GRIK3: variants seen among roughly 807,000 people sequenced by gnomAD.
GRIK3 encodes glutamate receptor ionotropic, kainate 3.
A neutral mutation model predicts 102.5 loss-of-function variants in GRIK3; 29 were observed. The ratio of observed to expected loss-of-function variants is 0.28; its 90% CI spans 0.21 to 0.39. The LOEUF is 0.39. Among genes scored for constraint, GRIK3 ranks in the 10% least tolerant of loss-of-function variants. The pLI is 1.00. For missense variants in GRIK3, 908 were observed against 1,252.4 expected (o/e 0.73, Z 4.15); for synonymous variants, 511 against 504.9 (o/e 1.01, Z -0.16).
intron 1 of GRIK3, among the ~76,000 whole-genome samples, chr1:36,910,975 G>A (rs1346782986): frequency 6.6e-6 from 1 of 152,202 alleles, no homozygotes; most frequent in African/African-American, 2.4e-5. Context: ...AGACTCAGAG[G>A]AGAGGGCATC....
At chr1:36,854,886 G>A (rs1640633078) in intron 7 of GRIK3, among the ~76,000 whole-genome samples, 1 of 152,170 alleles carries the variant, frequency 6.6e-6, no homozygotes, top group Admixed American at 6.5e-5. Flanking sequence ...GACCTCAAGG[G>A]GGCCATGGGT....
intron 1 of GRIK3, among the ~76,000 whole-genome samples, chr1:36,920,153 C>A (rs1033387391): frequency 3.9e-5 from 6 of 152,232 alleles, no homozygotes; most frequent in Non-Finnish European, 7.3e-5. Context: ...GTGAGCTCAT[C>A]TTGCCCTGTC....
At chr1:36,938,201 C>G (rs556451323) in intron 1 of GRIK3, among the ~76,000 whole-genome samples, 1 of 152,210 alleles carries the variant, frequency 6.6e-6, no homozygotes, top group Non-Finnish European at 1.5e-5. Flanking sequence ...GGTGGATGGC[C>G]TCCCTAAAGT....
intron 1 of GRIK3, among the ~76,000 whole-genome samples, chr1:36,978,874 T>C (rs1368008910): frequency 6.6e-6 from 1 of 152,220 alleles, no homozygotes; most frequent in Non-Finnish European, 1.5e-5. Flanking sequence ...CAGCTAGATT[T>C]GAGGGGTAGG....
At chr1:36,997,130 G>A (rs995886471) in intron 1 of GRIK3, among the ~76,000 whole-genome samples, 3 of 152,078 alleles carry the variant, frequency 2.0e-5, no homozygotes, top group Non-Finnish European at 2.9e-5. Context: ...CTATCTCTAG[G>A]AGCTCCACCT....
Position 36,823,174 on chromosome 1 carries a change from T to C in GRIK3, c.1754+2429A>G, listed in dbSNP as rs1188486507. ...GATATGTTGTGCTTGACCCTGCCAG[T>C]GTTATACAAAATTAAACGGCCAGGC... On this transcript the variant is annotated intron_variant, in intron 11 of 15. Transcript: ENST00000373091. 2.6e-5 allele frequency among the ~76,000 whole-genome samples: 4 copies of C among 152,048 alleles called. No individual in the cohort carries two copies. The South Asian group carries it at 8.3e-4, about 32-fold the overall frequency.
In GRIK3 at chr1:36,858,963, G is replaced by T. The variant is rs546336452; in HGVS notation, c.1104+145C>A. 5.6e-6 allele frequency: 4 copies of T among 714,506 alleles called. No individual in the cohort carries two copies. The Admixed American group carries it at 1.0e-4, about 19-fold the overall frequency. The allele number at this position is 714,506 out of a possible 1,614,324, so 44.3% of individuals were successfully genotyped here. On this transcript the variant is annotated intron_variant, in intron 7 of 15. Coordinates refer to ENST00000373091, the MANE Select transcript of GRIK3 (RefSeq NM_000831.4). Reference sequence around the variant, plus strand: ...TCCTATGGAGCCCATTTTCACACGGGAAACTGAGGCTCGGAGACATGAGGC... The same window carrying T: ...TCCTATGGAGCCCATTTTCACACGGTAAACTGAGGCTCGGAGACATGAGGC...
Position 37,019,507 on chromosome 1 carries a change from A to G in GRIK3, c.115+14487T>C, listed in dbSNP as rs1466615607. Among the ~76,000 whole-genome samples the G allele has an allele frequency of 4.6e-5, 7 of 152,322 alleles. No homozygotes were observed. In the East Asian group the frequency reaches 1.4e-3, roughly 29 times the overall value. ...TCTGGTCTAAACTGTACATACTGAA[A>G]TGTTCAAGGAACCACAGCTATTTCT... On this transcript the variant is annotated intron_variant, in intron 1 of 15. Coordinates refer to ENST00000373091, the MANE Select transcript of GRIK3 (RefSeq NM_000831.4).
intron 2 of GRIK3, among the ~76,000 whole-genome samples, chr1:36,884,882 C>T (rs1431758263): frequency 6.6e-6 from 1 of 152,202 alleles, no homozygotes; most frequent in Non-Finnish European, 1.5e-5. Context: ...ATTACACGGC[C>T]TGGCCTCTTA....
intron 5 of GRIK3, among the ~76,000 whole-genome samples, chr1:36,862,848 A>G (rs1640742529): frequency 6.6e-6 from 1 of 152,222 alleles, no homozygotes; most frequent in Admixed American, 6.5e-5. Context: ...CATATCAAAC[A>G]TCATGTATGT....
chr1:36,896,530 G>A (rs1343942447), intron 1 of GRIK3, among the ~76,000 whole-genome samples: 2 of 152,046 alleles, frequency 1.3e-5, no homozygotes, highest in Non-Finnish European at 2.9e-5. Context: ...GTGAGGAGAG[G>A]AAATGAAATG....
chr1:36,984,347 C>G, intron 1 of GRIK3, among the ~76,000 whole-genome samples: 1 of 152,368 alleles, frequency 6.6e-6, no homozygotes, highest in East Asian at 1.9e-4. Context: ...ATTCACATCC[C>G]TCATCCCACA....
At chr1:36,997,388 A>C (rs1642431678) in intron 1 of GRIK3, among the ~76,000 whole-genome samples, 1 of 152,238 alleles carries the variant, frequency 6.6e-6, no homozygotes, top group South Asian at 2.1e-4. Context: ...ATTATTAGAA[A>C]ACATTTTTAA....
intron 1 of GRIK3, among the ~76,000 whole-genome samples, chr1:36,966,797 TATGG>T (rs967416751): frequency 1.3e-5 from 2 of 152,136 alleles, no homozygotes; most frequent in Middle Eastern, 3.4e-3. Flanking sequence ...CTCATACTCA[TATGG>T]ATTCTGATCT....
intron 1 of GRIK3, among the ~76,000 whole-genome samples, chr1:36,970,464 C>T (rs1032270317): frequency 6.6e-6 from 1 of 152,230 alleles, no homozygotes; most frequent in African/African-American, 2.4e-5. Context: ...GCACCATTCA[C>T]CTCACATCCT....
rs139776351 is a variant in GRIK3 at position 36,882,016 on chromosome 1, G to A, written c.293-1125C>T. Among the ~76,000 whole-genome samples the A allele has an allele frequency of 6.9e-5, 3 of 43,320 alleles. No homozygotes were observed. In the Admixed American group the frequency reaches 1.3e-3, roughly 19 times the overall value. 28.4% of individuals were successfully genotyped at this position (43,320 alleles called of 152,430 possible). A position where few individuals can be genotyped will look rare whatever the true frequency, so the allele number is the denominator to read the frequency against. ...AGACTCCCTCCCCCTCCTCCTTGAGGCCTCTGTGTCTGTGTCTTACTAGGG... is the reference window on the plus strand; with the variant it reads ...AGACTCCCTCCCCCTCCTCCTTGAGACCTCTGTGTCTGTGTCTTACTAGGG... On this transcript the variant is annotated intron_variant, in intron 2 of 15. Coordinates refer to ENST00000373091, the MANE Select transcript of GRIK3 (RefSeq NM_000831.4).
Position 36,825,844 on chromosome 1 carries a change from G to A in GRIK3, c.1531-18C>T, listed in dbSNP as rs781082206. The A allele has an allele frequency of 8.4e-6, 13 of 1,552,860 alleles. No homozygotes were observed. Among genetic ancestry groups the A allele is most frequent in the Non-Finnish European group, 1.1e-5 (13 of 1,134,632 alleles). The stretch of plus-strand genomic sequence containing the variant: ...TCTGCCTTCTGCAACCAGACAGAGA[G>A]AGAAAGACAGACTATGAGCAAAGTC... On this transcript the variant is annotated intron_variant, in intron 10 of 15. Coordinates refer to ENST00000373091, the MANE Select transcript of GRIK3 (RefSeq NM_000831.4).
chr1:36,839,399 A>C (rs558886748), intron 10 of GRIK3, among the ~76,000 whole-genome samples: 2 of 152,116 alleles, frequency 1.3e-5, no homozygotes, highest in African/African-American at 4.8e-5. Flanking sequence ...CTTCCCCACC[A>C]GTTGTCTCCT....
chr1:36,894,279 T>G (rs1159400682), intron 1 of GRIK3, among the ~76,000 whole-genome samples: 1 of 152,284 alleles, frequency 6.6e-6, no homozygotes, highest in Non-Finnish European at 1.5e-5. Context: ...TCTGGCTTTT[T>G]GTATTTCGTG....
Sources: gnomAD v4.1 joint callset for allele counts (sites outside exome capture counted in the v4.1 genomes callset) on GRCh38, gnomAD v4.1.1 for gene constraint, MANE v1.5 for transcripts, NCBI Gene and HGNC (gene_info 2026-07-23, HGNC 2026-07-21) for gene names.